NOSTRIN: variants seen among roughly 807,000 people sequenced by gnomAD.
NOSTRIN encodes the protein nitric oxide synthase trafficking, also known as BM247 homolog.
In NOSTRIN, 63 loss-of-function variants were observed where a neutral mutation model predicts 59.0. The observed-to-expected ratio is 1.07, with a 90% CI of 0.87 to 1.32. NOSTRIN has a LOEUF of 1.32. Among genes scored for constraint, NOSTRIN ranks in the 40% most tolerant of loss-of-function variants. The probability of loss-of-function intolerance (pLI) is 0.00; values close to 1 mark genes in which losing one functional copy is unlikely to be tolerated. For missense variants in NOSTRIN, 512 were observed against 473.1 expected, an observed-to-expected ratio of 1.08 and a Z score of -0.76; for synonymous variants, 200 against 165.4, an observed-to-expected ratio of 1.21 and a Z score of -1.61.
chr2:168,801,256 CT>C (rs747380889), upstream of NOSTRIN: 1,432 of 130,138 alleles, frequency 0.011, 3 homozygotes, highest in African/African-American at 0.018. Context: ...TTTCTGGAAG[CT>C]TTTTTTTTTT....
At chr2:168,796,952 A>C (rs1473019059), upstream of NOSTRIN, among the ~76,000 whole-genome samples, 2 of 152,216 alleles carry the variant, frequency 1.3e-5, no homozygotes, top group Non-Finnish European at 2.9e-5. Flanking sequence ...ATTCAATCAA[A>C]TGAAAGCAAT....
At chr2:168,850,911 C>G (rs753183264) in intron 8 of NOSTRIN, 173 bp from the exon 9 acceptor site, 1 of 798,836 alleles carries the variant, frequency 1.3e-6, no homozygotes, top group South Asian at 1.4e-5. Context: ...TTTAAGATAC[C>G]AAGACACATT....
At chr2:168,817,437 C>T (rs1010474536) in intron 2 of NOSTRIN, among the ~76,000 whole-genome samples, 21 of 152,214 alleles carry the variant, frequency 1.4e-4, no homozygotes, top group Non-Finnish European at 2.4e-4. Context: ...GCTCTGCTTC[C>T]TCCTCATTCC....
intron 10 of NOSTRIN, among the ~76,000 whole-genome samples, chr2:168,852,486 T>C (rs1385698885): frequency 6.6e-6 from 1 of 152,172 alleles, no homozygotes; most frequent in Non-Finnish European, 1.5e-5. Flanking sequence ...TAGGAACTGA[T>C]TATTAATTAC....
chr2:168,821,360 G>A (rs1364283416), intron 2 of NOSTRIN, among the ~76,000 whole-genome samples: 1 of 152,224 alleles, frequency 6.6e-6, no homozygotes, highest in Non-Finnish European at 1.5e-5. Context: ...CTCAAAAGTG[G>A]TGAGGTGAGA....
upstream of NOSTRIN, among the ~76,000 whole-genome samples, chr2:168,794,785 G>A (rs1685440926): frequency 6.6e-6 from 1 of 151,350 alleles, no homozygotes; most frequent in African/African-American, 2.4e-5. Flanking sequence ...AATTCATATG[G>A]GATCTTACCA....
In NOSTRIN at chr2:168,865,060, T is replaced by G. The variant is rs1689779863; in HGVS notation, c.*90T>G. The G allele has an allele frequency of 2.1e-6, 3 of 1,415,868 alleles. No individual in the cohort carries two copies. Among genetic ancestry groups the G allele is most frequent in the Admixed American group, 2.1e-5 (1 of 47,530 alleles). 87.7% of individuals were successfully genotyped at this position (1,415,868 alleles called of 1,614,324 possible). On this transcript the variant is annotated 3_prime_UTR_variant, in exon 16 of 16. Coordinates refer to ENST00000317647, the MANE Select transcript of NOSTRIN (RefSeq NM_001039724.4). ...AATAAAGTGCTCTTACCTTTACATG[T>G]TTTTCTTTTGAAATGGATGGAGTTC...
In NOSTRIN at chr2:168,828,141, CTT is replaced by C. The variant is rs754502890; in HGVS notation, c.198-10_198-9del. The C allele has an allele frequency of 1.1e-6, 1 of 870,910 alleles. No homozygotes were observed. Among genetic ancestry groups the C allele is most frequent in the South Asian group, 1.3e-5 (1 of 76,308 alleles). The allele number at this position is 870,910 out of a possible 1,614,324, so 53.9% of individuals were successfully genotyped here. ...AAATGACACTCACCTTTGTTCCCCACTTTTTTTTGCCTTTAGTTGTGTTAGCA... is the reference window on the plus strand; with the variant it reads ...AAATGACACTCACCTTTGTTCCCCACTTTTTTGCCTTTAGTTGTGTTAGCA... On this transcript the variant is annotated splice_polypyrimidine_tract_variant and intron_variant, in intron 3 of 15. Transcript: ENST00000317647.
intron 15 of NOSTRIN, chr2:168,863,368 T>G (rs182731595): frequency 1.0e-6 from 1 of 979,366 alleles, no homozygotes; most frequent in Admixed American, 6.1e-5. Context: ...ATAATTTCCT[T>G]TGTCTTAGAA....
chr2:168,789,672 T>C (rs1272879071), intron 2 of NOSTRIN, among the ~76,000 whole-genome samples: 1 of 151,806 alleles, frequency 6.6e-6, no homozygotes, highest in African/African-American at 2.4e-5. Context: ...GAAGTGGAGG[T>C]GCGGTTAATT....
Position 168,859,529 on chromosome 2 carries a change from C to T in NOSTRIN, c.1071C>T (p.Asp357=), listed in dbSNP as rs372756951. ...ALMDENNLKL[D]LLEANSYKLS... ...ATCCACAGAACAATTTGAAACTAGA[C>T]CTTTTGGAAGCGAACTCCTACAAAC... The change falls in exon 13 of 16, where the codon GAC becomes GAT. Residue 357 remains aspartate, a synonymous_variant. Coordinates refer to ENST00000317647, the MANE Select transcript of NOSTRIN (RefSeq NM_001039724.4). The T allele has an allele frequency of 5.2e-5, 84 of 1,613,880 alleles. No homozygotes were observed. The highest frequency in any genetic ancestry group is 1.6e-4 in the Middle Eastern group (1 of 6,078).
intron 2 of NOSTRIN, among the ~76,000 whole-genome samples, chr2:168,823,848 G>A (rs1279790266): frequency 6.6e-6 from 1 of 152,168 alleles, no homozygotes; most frequent in Admixed American, 6.5e-5. Context: ...AGGCCTAGAC[G>A]GGTGGGTCAC....
chr2:168,863,741 A>C, intron 15 of NOSTRIN: 1 of 807,322 alleles, frequency 1.2e-6, no homozygotes, highest in Non-Finnish European at 1.5e-6. Flanking sequence ...TTAAGAAAAG[A>C]CTGTTGGTGA....
intron 3 of NOSTRIN, among the ~76,000 whole-genome samples, chr2:168,827,398 T>A (rs1687115244): frequency 6.6e-6 from 1 of 152,170 alleles, no homozygotes; most frequent in African/African-American, 2.4e-5. Flanking sequence ...GGAACTGGAC[T>A]CCAACCCCAA....
intron 3 of NOSTRIN, 51 bp downstream of exon 3, chr2:168,824,768 T>TTTTTG: frequency 1.4e-6 from 1 of 736,446 alleles, no homozygotes. Flanking sequence ...TTTATTTGTT[T>TTTTTG]TTTGTTTGTT....
intron 2 of NOSTRIN, among the ~76,000 whole-genome samples, chr2:168,814,863 T>G (rs1026274345): frequency 2.5e-4 from 38 of 152,252 alleles, no homozygotes; most frequent in African/African-American, 8.2e-4. Context: ...GCCAGGAGTT[T>G]GAGACCAGCC....
At chr2:168,847,701 T>C (rs1197433641) in intron 8 of NOSTRIN, among the ~76,000 whole-genome samples, 1 of 152,210 alleles carries the variant, frequency 6.6e-6, no homozygotes, top group Non-Finnish European at 1.5e-5. Flanking sequence ...ACTTTGTTCA[T>C]ATATACTATT....
intron 1 of NOSTRIN, among the ~76,000 whole-genome samples, chr2:168,806,844 ACTT>A (rs1685874539): frequency 6.6e-6 from 1 of 152,218 alleles, no homozygotes; most frequent in Admixed American, 6.5e-5. Context: ...ACCTGACTGC[ACTT>A]CTTCTCAGCA....
chr2:168,834,516 C>A (rs1330096042), intron 7 of NOSTRIN, among the ~76,000 whole-genome samples, 191 bp downstream of exon 7: 2 of 143,724 alleles, frequency 1.4e-5, no homozygotes, highest in South Asian at 2.2e-4. Flanking sequence ...CGCACACACA[C>A]ACACACACAC....
Sources: gnomAD v4.1 joint callset for allele counts (sites outside exome capture counted in the v4.1 genomes callset) on GRCh38, gnomAD v4.1.1 for gene constraint, MANE v1.5 for transcripts, NCBI Gene and HGNC (gene_info 2026-07-23, HGNC 2026-07-21) for gene names.